The following SAMD11 variants were observed in gnomAD, a reference collection of about 807,000 sequenced individuals.
The protein encoded by SAMD11 is sterile alpha motif domain containing 11.
In SAMD11, 77 loss-of-function variants were observed where a neutral mutation model predicts 64.4. The ratio of observed to expected loss-of-function variants is 1.20; its 90% CI spans 0.99 to 1.44. The LOEUF (loss-of-function observed/expected upper bound fraction) is 1.44. SAMD11 is among the 40% of genes most tolerant of loss of function. The pLI is 0.00. For missense variants in SAMD11, 1,402 were observed against 943.3 expected (o/e 1.49, Z -6.37); for synonymous variants, 658 against 421.9 (o/e 1.56, Z -6.86).
rs1034143433 is a variant in SAMD11 at position 923,926 on chromosome 1, G to A, written c.-506G>A. The A allele has an allele frequency of 6.6e-6, 1 of 151,202 alleles. No individual in the cohort carries two copies. The highest frequency in any genetic ancestry group is 2.4e-5 in the African/African-American group (1 of 41,320). 9.4% of individuals were successfully genotyped at this position (151,202 alleles called of 1,614,324 possible). On this transcript the variant is annotated 5_prime_UTR_variant, in exon 1 of 14. Coordinates refer to ENST00000616016, the MANE Select transcript of SAMD11 (RefSeq NM_001385641.1). ...GCCAAGTTGTGGCGGCGGCGTCGGCGGCGGAGTCTCCCAAGTCCCCGCCGG... is the reference window on the plus strand; with the variant it reads ...GCCAAGTTGTGGCGGCGGCGTCGGCAGCGGAGTCTCCCAAGTCCCCGCCGG...
intron 2 of SAMD11, 47 bp from the exon 3 acceptor site, chr1:930,108 A>G (rs202189913): frequency 6.6e-7 from 1 of 1,519,544 alleles, no homozygotes; most frequent in East Asian, 2.5e-5. Context: ...CTCCTGCCCC[A>G]CCTTCCTCTC....
At position 935,630 on chromosome 1, in the gene SAMD11, A is replaced by C. The variant is rs538616623; in HGVS notation, c.843-142A>C. 4.2e-4 allele frequency: 480 copies of C among 1,147,082 alleles called. 5 individuals carry two copies. In the African/African-American group the frequency reaches 6.4e-3, roughly 15 times the overall value. The allele number at this position is 1,147,082 out of a possible 1,614,324, so 71.1% of individuals were successfully genotyped here. A position where few individuals can be genotyped will look rare whatever the true frequency, so the allele number is the denominator to read the frequency against. ...TGCACACAGTGGCGTCACGGGCCAC[A>C]TGCCGAGGCGTGGGCACAGCAACGT... is the stretch of plus-strand genomic sequence containing the variant. On this transcript the variant is annotated intron_variant, in intron 4 of 13. Transcript: ENST00000616016.
chr1:943,144 C>T (rs897900215), intron 11 of SAMD11, 86 bp downstream of exon 11: 25 of 1,578,672 alleles, frequency 1.6e-5, no homozygotes, highest in Middle Eastern at 1.7e-4. Context: ...AGGAAAAATT[C>T]CCCTTAGGCA....
Position 935,793 on chromosome 1 carries a change from C to T in SAMD11, c.864C>T (p.Thr288=), listed in dbSNP as rs141982349. ...ASCSQDGNLP[T]LISSVHRSRH... ...GCAGCCAGGACGGCAACCTTCCCACCCTCATATCCAGCGTCCACCGCAGCC... is the reference window on the plus strand; with the variant it reads ...GCAGCCAGGACGGCAACCTTCCCACTCTCATATCCAGCGTCCACCGCAGCC... The change falls in exon 5 of 14, where the codon ACC becomes ACT. Residue 288 remains threonine (T), a synonymous_variant. Coordinates refer to ENST00000616016, the MANE Select transcript of SAMD11 (RefSeq NM_001385641.1). 43 of 1,613,434 alleles carry T rather than the reference C, an allele frequency of 2.7e-5. No individual in the cohort carries two copies. Among genetic ancestry groups the T allele is most frequent in the South Asian group, 6.6e-5 (6 of 91,078 alleles).
At chr1:942,361 T>G (rs1191607346) in intron 9 of SAMD11, 49 bp from the exon 10 acceptor site, 1 of 1,210,090 alleles carries the variant, frequency 8.3e-7, no homozygotes, top group Admixed American at 2.6e-5. Flanking sequence ...AAGGGCCGGC[T>G]CGGACCGCCT....
chr1:932,696 C>T (rs889564671), intron 4 of SAMD11, among the ~76,000 whole-genome samples: 2 of 152,242 alleles, frequency 1.3e-5, no homozygotes, highest in Non-Finnish European at 2.9e-5. Context: ...TCTGTGTGTT[C>T]ATTTGCTCCC....
rs1640862609 is a variant in SAMD11, at chr1:925,940, T to A, written c.536T>A (p.Leu179His). ...CTCGCAGGGAAAAGTCTGAAGACGC[T>A]TATGTCCAAGGGGATCCTGCAGGTG... ...IRHKGKSLKT[L>H]MSKGILQVHP... Residue 179 changes from leucine to histidine, a missense_variant, in exon 2 of 14, where the codon CTT (leucine) becomes CAT (histidine). Leu to His is a moderately conservative substitution (Grantham distance 99, BLOSUM62 -3). Coordinates refer to ENST00000616016, the MANE Select transcript of SAMD11 (RefSeq NM_001385641.1). 1.9e-6 allele frequency: 3 copies of A among 1,611,614 alleles called. No homozygotes were observed. The highest frequency in any genetic ancestry group is 2.5e-6 in the Non-Finnish European group (3 of 1,179,772).
Position 939,297 on chromosome 1 carries a change from G to A in SAMD11, c.1080G>A (p.Glu360=). The change falls in exon 7 of 14, where the codon GAG becomes GAA. Residue 360 remains glutamate, a synonymous_variant. Coordinates refer to ENST00000616016, the MANE Select transcript of SAMD11 (RefSeq NM_001385641.1). ...CAGAGGCGCTGCTGCTGCCGCGGGA[G>A]CTGGGGCCCAGCATGGCCCCGGAGG... The part of the protein sequence containing the change: ...SPQEALLLPR[E]LGPSMAPEDH... 3 of 1,609,188 alleles carry A rather than the reference G, an allele frequency of 1.9e-6. No homozygotes were observed. The highest frequency in any genetic ancestry group is 1.1e-5 in the South Asian group (1 of 90,270).
rs763350273 is a variant in SAMD11, at chr1:939,332, G to A, written c.1115G>A (p.Arg372His). ...AGCATGGCCCCGGAGGACCATTACC[G>A]CCGGCTTGTGTCAGCACTGAGCGAG... ...GPSMAPEDHY[R>H]RLVSALSEAS... The change falls in exon 7 of 14, where the codon CGC becomes CAC. Residue 372 changes from arginine to histidine, a missense_variant. Coordinates refer to ENST00000616016, the MANE Select transcript of SAMD11 (RefSeq NM_001385641.1). 25 of 1,611,926 alleles carry A rather than the reference G, an allele frequency of 1.6e-5. No homozygotes were observed. In the East Asian group the frequency reaches 1.6e-4, roughly 10 times the overall value.
chr1:938,010 G>C (rs1641549665), intron 5 of SAMD11, among the ~76,000 whole-genome samples: 1 of 151,934 alleles, frequency 6.6e-6, no homozygotes, highest in South Asian at 2.1e-4. Flanking sequence ...TTGGGTCACA[G>C]GGGAGTGGCC....
chr1:943,074 C>G lies in SAMD11; in HGVS notation c.2053+16C>G, dbSNP rs1641893539. 6.5e-7 allele frequency: 1 copy of G among 1,547,000 alleles called. No homozygotes were observed. Among genetic ancestry groups the G allele is most frequent in the Non-Finnish European group, 8.7e-7 (1 of 1,147,028 alleles). On this transcript the variant is annotated intron_variant, in intron 11 of 13. Transcript: ENST00000616016. ...TTCCACACAGGTGGGCACCCCCACA[C>G]TCTAGATCCTTCCAGAGGGCACAGG...
chr1:944,404 C>T lies in SAMD11; in HGVS notation c.*251C>T. On this transcript the variant is annotated 3_prime_UTR_variant, in exon 14 of 14. Transcript: ENST00000616016. ...TGGAAGGGGCCAGGGGCCTGCAGGCCTCCCCCTGGAACTGGGACTGGTCTC... is the reference window on the plus strand; with the variant it reads ...TGGAAGGGGCCAGGGGCCTGCAGGCTTCCCCCTGGAACTGGGACTGGTCTC... 3 of 1,221,798 alleles carry T rather than the reference C, an allele frequency of 2.5e-6. No individual in the cohort carries two copies. The highest frequency in any genetic ancestry group is 3.1e-5 in the African/African-American group (2 of 63,556). The allele number at this position is 1,221,798 out of a possible 1,614,324, so 75.7% of individuals were successfully genotyped here.
chr1:930,909 C>T (rs1351104815), intron 3 of SAMD11, 130 bp from the exon 4 acceptor site: 2 of 880,300 alleles, frequency 2.3e-6, no homozygotes, highest in Non-Finnish European at 3.7e-6. Context: ...GGCAGCCGCC[C>T]TCGTTCACTG....
intron 13 of SAMD11, 40 bp downstream of exon 13, chr1:943,848 A>T (rs749195600): frequency 1.2e-5 from 19 of 1,612,842 alleles, no homozygotes; most frequent in Middle Eastern, 1.7e-4. Flanking sequence ...TCCAGACCAC[A>T]GCTGGGCAGA....
At chr1:935,969 A>G (rs1641412566) in intron 5 of SAMD11, 73 bp downstream of exon 5, 1 of 1,497,572 alleles carries the variant, frequency 6.7e-7, no homozygotes, top group Non-Finnish European at 9.1e-7. Flanking sequence ...TCCACTCAGC[A>G]CCAGCAGCCT....
intron 12 of SAMD11, 85 bp from the exon 13 acceptor site, chr1:943,613 C>T (rs950986219): frequency 1.4e-6 from 2 of 1,381,656 alleles, no homozygotes; most frequent in Non-Finnish European, 1.9e-6. Flanking sequence ...TTTCCGTGAG[C>T]TGCACAAACA....
In SAMD11 at chr1:924,632, C is replaced by A; in HGVS notation, c.201C>A (p.Leu67=). The A allele has an allele frequency of 6.6e-6, 1 of 152,286 alleles. No homozygotes were observed. The highest frequency in any genetic ancestry group is 1.9e-4 in the South Asian group (1 of 5,178). The allele number at this position is 152,286 out of a possible 1,614,324, so 9.4% of individuals were successfully genotyped here. A position where few individuals can be genotyped will look rare whatever the true frequency, so the allele number is the denominator to read the frequency against. Residue 67 remains leucine, a synonymous_variant, in exon 1 of 14, where the codon CTC becomes CTA. Coordinates refer to ENST00000616016, the MANE Select transcript of SAMD11 (RefSeq NM_001385641.1). ...ACGAGGCTCTGCTGGCCCCGCCGCT[C>A]CGCCCCCCGCGCGCCTACCTCAGCC... ...AGYEALLAPP[L]RPPRAYLSLH... is the part of the protein sequence containing the mutation.
intron 8 of SAMD11, among the ~76,000 whole-genome samples, chr1:941,899 G>A (rs577598469): frequency 1.3e-5 from 2 of 152,134 alleles, no homozygotes; most frequent in Admixed American, 1.3e-4. Context: ...CCGGCGCCCC[G>A]CGCAGTAATT....
intron 4 of SAMD11, 24 bp from the exon 5 acceptor site, chr1:935,748 G>A (rs776490484): frequency 1.2e-6 from 2 of 1,612,760 alleles, no homozygotes; most frequent in Admixed American, 1.7e-5. Context: ...CACGGGGTCA[G>A]CTTTTCCCGG....
Sources: allele counts gnomAD v4.1 joint callset (sites outside exome capture counted in the v4.1 genomes callset), GRCh38; gene constraint gnomAD v4.1.1; transcripts MANE v1.5; gene names NCBI Gene and HGNC (gene_info 2026-07-23, HGNC 2026-07-21).